Variants in LRRC56 observed in about 807,000 individuals in gnomAD.
LRRC56 encodes leucine rich repeat containing 56, also known as leucine-rich repeat-containing protein 56.
LRRC56 carries 41 observed loss-of-function variants against 47.8 expected under a neutral mutation model. That is an observed-to-expected ratio of 0.86 (90% CI 0.67 to 1.11). The LOEUF is 1.11. Ranked by LOEUF, LRRC56 falls within the 50% of genes most tolerant of loss-of-function variation. The pLI is 0.00. For missense variants in LRRC56, 759 were observed against 704.2 expected (o/e 1.08, Z -0.88); for synonymous variants, 387 against 311.2 (o/e 1.24, Z -2.56).
chr11:550,696 G>C (rs1490815784), intron 8 of LRRC56, among the ~76,000 whole-genome samples: 1 of 152,166 alleles, frequency 6.6e-6, no homozygotes, highest in Non-Finnish European at 1.5e-5. Context: ...TGGCACACCT[G>C]TGCGTGCAGG....
At chr11:521,892 A>G in the LRRC56 span, among the ~76,000 whole-genome samples, 602 of 149,408 alleles carry the variant, frequency 4.0e-3, 1 homozygote, top group Middle Eastern at 0.01. Flanking sequence ...TCCAGCCTGG[A>G]TGACAGAGCA....
rs762894176 is a variant in LRRC56, at chr11:551,927, A to G, written c.998A>G (p.Asn333Ser). ...THGAGQVLCGNPTKGLRERRH... is the reference protein window; with the variant it reads ...THGAGQVLCGSPTKGLRERRH... Reference sequence around the variant, plus strand: ...GGTGCTGGCCAAGTCCTCTGTGGGAACCCCACCAAGGGCCTGCGGGAGCGT... The same window carrying G: ...GGTGCTGGCCAAGTCCTCTGTGGGAGCCCCACCAAGGGCCTGCGGGAGCGT... Residue 333 changes from asparagine to serine, a missense_variant, in exon 11 of 14, where the codon AAC (asparagine) becomes AGC (serine). By Grantham distance (46) the Asn-to-Ser change is conservative. Coordinates refer to ENST00000270115, the MANE Select transcript of LRRC56 (RefSeq NM_198075.4). 3.7e-6 allele frequency: 6 copies of G among 1,612,520 alleles called. No homozygotes were observed. Among genetic ancestry groups the G allele is most frequent in the Admixed American group, 3.3e-5 (2 of 59,998 alleles).
chr11:522,390 C>T, the LRRC56 span, among the ~76,000 whole-genome samples: 6 of 152,144 alleles, frequency 3.9e-5, no homozygotes, highest in East Asian at 9.6e-4. Context: ...CTCAGCCTCC[C>T]AAGTAGTTGG....
At chr11:533,496 C>T (rs748289593), upstream of LRRC56, 2 of 1,613,524 alleles carry the variant, frequency 1.2e-6, no homozygotes, top group South Asian at 1.1e-5. Context: ...GATGCCGTAG[C>T]TTCGGGCGAG....
rs1589823425 is a variant in LRRC56 at position 554,252 on chromosome 11, T to C, written c.1605T>C (p.Ser535=). The part of the protein sequence containing the change: ...AARPPRAAEL[S]HPSPVPT ...GACCTCCCAGGGCAGCTGAACTCTC[T>C]CACCCCAGCCCCGTCCCCACTTAAT... The change falls in exon 14 of 14, where the codon TCT becomes TCC. Residue 535 remains serine (S), a synonymous_variant. Coordinates refer to ENST00000270115, the MANE Select transcript of LRRC56 (RefSeq NM_198075.4). 1.3e-6 allele frequency: 2 copies of C among 1,505,430 alleles called. No homozygotes were observed. The allele number at this position is 1,505,430 out of a possible 1,614,324, so 93.3% of individuals were successfully genotyped here. A position where few individuals can be genotyped will look rare whatever the true frequency, so the allele number is the denominator to read the frequency against.
At chr11:514,740 G>C in the LRRC56 span, among the ~76,000 whole-genome samples, 1 of 152,134 alleles carries the variant, frequency 6.6e-6, no homozygotes, top group Non-Finnish European at 1.5e-5. Flanking sequence ...ACTGCACTGT[G>C]GTATAAACAT....
At chr11:544,823 G>T (rs755716248) in intron 6 of LRRC56, 43 bp downstream of exon 6, 11 of 1,582,952 alleles carry the variant, frequency 6.9e-6, no homozygotes, top group Non-Finnish European at 8.7e-7. Context: ...GCCATGAGGG[G>T]GTCCGATGGG....
the LRRC56 span, among the ~76,000 whole-genome samples, chr11:512,904 G>C: frequency 6.6e-6 from 1 of 152,182 alleles, no homozygotes; most frequent in African/African-American, 2.4e-5. Context: ...AAAGTAAACA[G>C]GCCAGGCATG....
chr11:539,826 G>A (rs145270051), intron 3 of LRRC56, 100 bp downstream of exon 3: 5,733 of 152,474 alleles, frequency 0.038, 158 homozygotes, highest in Middle Eastern at 0.071. Context: ...GCCTGGGGAG[G>A]GGCTCAGGAA....
At chr11:513,216 C>T in the LRRC56 span, among the ~76,000 whole-genome samples, 2 of 152,220 alleles carry the variant, frequency 1.3e-5, no homozygotes, top group African/African-American at 4.8e-5. Flanking sequence ...AGCGCAGTGG[C>T]GCAATCTCGG....
chr11:549,775 C>T (rs556281928), intron 6 of LRRC56, 127 bp from the exon 7 acceptor site: 1 of 712,870 alleles, frequency 1.4e-6, no homozygotes, highest in African/African-American at 1.8e-5. Context: ...GGCAGAGAGC[C>T]CCTTCCTCAG....
At chr11:518,814 C>A in the LRRC56 span, among the ~76,000 whole-genome samples, 1 of 151,828 alleles carries the variant, frequency 6.6e-6, no homozygotes, top group Non-Finnish European at 1.5e-5. Flanking sequence ...TGGATGTGGC[C>A]GGCGGCGCGC....
intron 8 of LRRC56, among the ~76,000 whole-genome samples, chr11:550,688 G>A (rs924958501): frequency 6.6e-6 from 1 of 152,156 alleles, no homozygotes; most frequent in Non-Finnish European, 1.5e-5. Context: ...CTCAGAGCTG[G>A]CACACCTGTG....
the LRRC56 span, among the ~76,000 whole-genome samples, chr11:517,223 C>G: frequency 6.6e-6 from 1 of 152,358 alleles, no homozygotes; most frequent in African/African-American, 2.4e-5. Flanking sequence ...AGCTGCCTGC[C>G]TTGGCCTCCC....
At chr11:534,356 T>G (rs1396946557), upstream of LRRC56, 15 of 1,549,956 alleles carry the variant, frequency 9.7e-6, no homozygotes, top group Non-Finnish European at 1.3e-5. Context: ...GGGGTCCTCC[T>G]ACAGGGTCTC....
chr11:532,315 T>C, the LRRC56 span: 19 of 501,270 alleles, frequency 3.8e-5, no homozygotes, highest in Middle Eastern at 2.7e-3. Context: ...GGAGGGGAGC[T>C]AAGGGCTGGG....
intron 6 of LRRC56, among the ~76,000 whole-genome samples, chr11:547,197 A>C (rs926968247): frequency 6.6e-6 from 1 of 151,858 alleles, no homozygotes; most frequent in Non-Finnish European, 1.5e-5. Flanking sequence ...GCGCCACTGC[A>C]CTCCAGCCTG....
the LRRC56 span, chr11:506,802 C>A: frequency 6.6e-6 from 1 of 152,312 alleles, no homozygotes; most frequent in Non-Finnish European, 1.5e-5. Context: ...CACGTGAGGA[C>A]GAACCACGCA....
Position 541,516 on chromosome 11 carries a change from A to C in LRRC56, c.178-21A>C. The C allele has an allele frequency of 6.8e-7, 1 of 1,471,218 alleles. No individual in the cohort carries two copies. The highest frequency in any genetic ancestry group is 9.2e-7 in the Non-Finnish European group (1 of 1,085,708). The allele number at this position is 1,471,218 out of a possible 1,614,324, so 91.1% of individuals were successfully genotyped here. On this transcript the variant is annotated intron_variant, in intron 4 of 13. Transcript: ENST00000270115. This position sits in a 1 kb window ranked among gnomAD's most constrained non-coding sequence, Gnocchi z 4.1. ...GTGGGGAGAGCCAGGACCAGCGCTG[A>C]CCCCCGGTTGGTTTCTACAGCAGGC...
Sources: gnomAD v4.1 joint callset for allele counts (sites outside exome capture counted in the v4.1 genomes callset) on GRCh38, gnomAD v4.1.1 for gene constraint, Gnocchi (gnomAD v3.1) non-coding constraint, MANE v1.5 for transcripts, NCBI Gene and HGNC (gene_info 2026-07-23, HGNC 2026-07-21) for gene names.